The following CPVL variants were observed in gnomAD, a reference collection of about 807,000 sequenced individuals.
CPVL encodes the protein carboxypeptidase vitellogenic like.
A neutral mutation model predicts 63.7 loss-of-function variants in CPVL; 51 were observed. The ratio of observed to expected loss-of-function variants is 0.80; its 90% CI spans 0.64 to 1.01. The LOEUF (loss-of-function observed/expected upper bound fraction) is 1.01, where lower values mean the gene tolerates loss of function less well. Ranked by LOEUF, CPVL falls within the 50% of genes least tolerant of loss-of-function variation. The pLI, the probability that CPVL is intolerant of heterozygous loss-of-function variation, is 0.00. For synonymous variants in CPVL, 195 were observed against 206.0 expected, an observed-to-expected ratio of 0.95 and a Z score of 0.46; for missense variants, 530 against 573.1, an observed-to-expected ratio of 0.92 and a Z score of 0.77.
At chr7:29,137,909 G>C (rs545075755) in intron 1 of CPVL, among the ~76,000 whole-genome samples, 1 of 152,296 alleles carries the variant, frequency 6.6e-6, no homozygotes, top group South Asian at 2.1e-4. Flanking sequence ...TGATCAGGGA[G>C]AGTTTTCTAG....
chr7:29,000,376 T>A (rs901026515), intron 12 of CPVL, among the ~76,000 whole-genome samples: 1 of 101,656 alleles, frequency 9.8e-6, no homozygotes, highest in Non-Finnish European at 2.0e-5. Context: ...GGGGTGGGGG[T>A]GGAGGGATCA....
At chr7:29,089,765 G>A (rs560756863) in intron 6 of CPVL, among the ~76,000 whole-genome samples, 65 of 152,208 alleles carry the variant, frequency 4.3e-4, no homozygotes, top group Non-Finnish European at 7.1e-4. Context: ...GCTGCTACTC[G>A]GACTAGGCAG....
rs867729853 is a variant in CPVL at position 29,089,997 on chromosome 7, G to T, written c.542+2626C>A. Reference sequence around the variant, plus strand: ...CCTGCCTCAGCCTCCCAAGTAGCTGGGATTACAGGCATGCACCACCAAGCC... The same window carrying T: ...CCTGCCTCAGCCTCCCAAGTAGCTGTGATTACAGGCATGCACCACCAAGCC... On this transcript the variant is annotated intron_variant, in intron 6 of 12. Coordinates refer to ENST00000265394, the MANE Select transcript of CPVL (RefSeq NM_031311.5). Among the ~76,000 whole-genome samples, 13 of 152,072 alleles carry T rather than the reference G, an allele frequency of 8.5e-5. No homozygotes were observed. In the South Asian group the frequency reaches 1.3e-3, roughly 15 times the overall value.
chr7:29,164,123 A>G (rs1386391967), intron 5 of CPVL, among the ~76,000 whole-genome samples: 1 of 152,230 alleles, frequency 6.6e-6, no homozygotes, highest in Non-Finnish European at 1.5e-5. Context: ...TCCCACCAGC[A>G]GTGCATGAGA....
intron 1 of CPVL, among the ~76,000 whole-genome samples, chr7:29,139,522 G>A (rs1791615747): frequency 6.7e-6 from 1 of 150,242 alleles, no homozygotes; most frequent in African/African-American, 2.5e-5. Context: ...ACCTAAGAAA[G>A]GCTATTCTTG....
At chr7:29,032,853 G>C (rs1385210599) in intron 11 of CPVL, among the ~76,000 whole-genome samples, 3 of 152,056 alleles carry the variant, frequency 2.0e-5, no homozygotes, top group African/African-American at 7.3e-5. Flanking sequence ...CAATAGCAAA[G>C]TCCCCATGTT....
intron 11 of CPVL, among the ~76,000 whole-genome samples, chr7:29,038,813 G>A (rs534771910): frequency 5.9e-5 from 9 of 152,364 alleles, no homozygotes; most frequent in African/African-American, 1.7e-4. Flanking sequence ...TTTGCAGGTG[G>A]TTAAGTGTTC....
chr7:29,145,446 C>T (rs1307340580), intron 1 of CPVL, among the ~76,000 whole-genome samples: 3 of 152,008 alleles, frequency 2.0e-5, no homozygotes, highest in East Asian at 3.9e-4. Flanking sequence ...AGCTCCAAAA[C>T]CCAAGCACCT....
At chr7:29,151,118 T>A (rs1207631202), upstream of CPVL, among the ~76,000 whole-genome samples, 1 of 152,106 alleles carries the variant, frequency 6.6e-6, no homozygotes, top group Non-Finnish European at 1.5e-5. Flanking sequence ...AGTGCTTCAG[T>A]CTCCTTGTAC....
chr7:29,190,595 AGGG>A (rs1782764342), intron 1 of CPVL, among the ~76,000 whole-genome samples: 3 of 152,172 alleles, frequency 2.0e-5, no homozygotes, highest in African/African-American at 7.2e-5. Context: ...CCGGTGAAGG[AGGG>A]TGGGGTGGGG....
chr7:29,117,362 T>C (rs912186606), intron 2 of CPVL, among the ~76,000 whole-genome samples: 3 of 152,226 alleles, frequency 2.0e-5, no homozygotes, highest in Non-Finnish European at 2.9e-5. Context: ...CTGTATTCTT[T>C]TTACTTGGTT....
chr7:29,185,047 T>G (rs1373751450), intron 3 of CPVL, among the ~76,000 whole-genome samples: 1 of 152,222 alleles, frequency 6.6e-6, no homozygotes, highest in East Asian at 1.9e-4. Context: ...GGTTTTATTT[T>G]CATATATTCA....
chr7:29,166,944 A>C (rs1344275323), intron 5 of CPVL, among the ~76,000 whole-genome samples: 1 of 151,880 alleles, frequency 6.6e-6, no homozygotes, highest in Non-Finnish European at 1.5e-5. Context: ...TTCTGTTTCC[A>C]TTGACTGATT....
intron 12 of CPVL, chr7:29,012,112 T>C (rs1395082450): frequency 6.6e-6 from 1 of 152,202 alleles, no homozygotes; most frequent in African/African-American, 2.4e-5. Flanking sequence ...TTAAATAGCC[T>C]AATGAGTAAC....
chr7:29,035,781 C>G (rs540005722), intron 11 of CPVL, among the ~76,000 whole-genome samples: 32 of 152,340 alleles, frequency 2.1e-4, no homozygotes, highest in African/African-American at 7.2e-4. Context: ...CAGGTCCACT[C>G]TCCCTTCTCC....
intron 5 of CPVL, 134 bp from the exon 6 acceptor site, chr7:29,092,836 C>T (rs1243471960): frequency 5.9e-6 from 4 of 680,544 alleles, no homozygotes; most frequent in African/African-American, 3.6e-5. Flanking sequence ...CCGTTGCCCC[C>T]CTATGCCTTT....
chr7:29,128,175 G>GTTTTTTTTT (rs67806252), intron 1 of CPVL: 23 of 139,692 alleles, frequency 1.6e-4, no homozygotes, highest in African/African-American at 5.6e-4. Flanking sequence ...AAAGTTAAGA[G>GTTTTTTTTT]TTTTTTTTTT....
chr7:29,109,445 TGACA>T (rs574368714), intron 3 of CPVL, among the ~76,000 whole-genome samples: 72 of 152,330 alleles, frequency 4.7e-4, no homozygotes, highest in African/African-American at 1.4e-3. Context: ...TGCTTCCCTA[TGACA>T]GACAATGAAC....
At chr7:29,024,576 A>G (rs564712003) in intron 12 of CPVL, among the ~76,000 whole-genome samples, 1 of 152,366 alleles carries the variant, frequency 6.6e-6, no homozygotes, top group South Asian at 2.1e-4. Flanking sequence ...AAAGACAAAG[A>G]AAGAATTCTA....
Sources: gnomAD v4.1 joint callset for allele counts (sites outside exome capture counted in the v4.1 genomes callset) on GRCh38, gnomAD v4.1.1 for gene constraint, MANE v1.5 for transcripts, NCBI Gene and HGNC (gene_info 2026-07-23, HGNC 2026-07-21) for gene names.